PRPF6: variants seen among roughly 807,000 people sequenced by gnomAD.
PRPF6 encodes the protein pre-mRNA-processing factor 6.
A neutral mutation model predicts 118.3 loss-of-function variants in PRPF6; 42 were observed. That is an observed-to-expected ratio of 0.35 (90% CI 0.28 to 0.46). PRPF6 has a LOEUF of 0.46. PRPF6 is among the 20% of genes least tolerant of loss of function. The probability of loss-of-function intolerance (pLI) is 1.00; values close to 1 mark genes in which losing one functional copy is unlikely to be tolerated. For missense variants in PRPF6, 662 were observed against 1,255.7 expected (o/e 0.53, Z 7.15); for synonymous variants, 481 against 485.1 (o/e 0.99, Z 0.11).
intron 11 of PRPF6, among the ~76,000 whole-genome samples, chr20:64,016,331 G>T (rs1344320301): frequency 6.6e-6 from 1 of 151,942 alleles, no homozygotes; most frequent in African/African-American, 2.4e-5. Flanking sequence ...GTTTCACCAG[G>T]TTGGCCAGGC....
At chr20:64,001,342 C>T in intron 9 of PRPF6, 103 bp downstream of exon 9, 1 of 1,383,724 alleles carries the variant, frequency 7.2e-7, no homozygotes. Context: ...GGATAAGGAA[C>T]CAGGGACATT....
At chr20:63,985,420 G>T (rs1407416891) in intron 3 of PRPF6, among the ~76,000 whole-genome samples, 1 of 152,142 alleles carries the variant, frequency 6.6e-6, no homozygotes, top group Admixed American at 6.6e-5. Context: ...ATGTGTGTCT[G>T]CTTAGCTTTT....
chr20:63,986,970 A>G (rs917207347), intron 3 of PRPF6, among the ~76,000 whole-genome samples: 13 of 151,102 alleles, frequency 8.6e-5, no homozygotes, highest in Middle Eastern at 3.4e-3. Flanking sequence ...GGAGTTTGAG[A>G]CCAGCCTAGG....
chr20:64,005,950 G>C (rs1007018716), intron 9 of PRPF6, among the ~76,000 whole-genome samples: 6 of 152,088 alleles, frequency 3.9e-5, no homozygotes, highest in African/African-American at 1.4e-4. Context: ...ATCCAGGCTG[G>C]TTTTAAACTC....
chr20:63,992,252 A>AATTTTT lies in PRPF6; in HGVS notation c.360-1136_360-1131dup, dbSNP rs553157501. Among the ~76,000 whole-genome samples, 51 of 151,918 alleles carry AATTTTT rather than the reference A, an allele frequency of 3.4e-4. 1 individual carries two copies. The South Asian group carries it at 9.6e-3, about 29-fold the overall frequency. Reference sequence around the variant, plus strand: ...CAGGTGCCCACCACCATGCCCAGCTAATTTTTATTTTTATTTTTATTTTTT... The same window carrying AATTTTT: ...CAGGTGCCCACCACCATGCCCAGCTAATTTTTATTTTTATTTTTATTTTTATTTTTT... On this transcript the variant is annotated intron_variant, in intron 3 of 20. Coordinates refer to ENST00000266079, the MANE Select transcript of PRPF6 (RefSeq NM_012469.4).
chr20:63,981,756 A>G (rs817354), intron 1 of PRPF6, among the ~76,000 whole-genome samples: 31,911 of 146,946 alleles, frequency 0.22, 3,744 homozygotes, highest in African/African-American at 0.31. Flanking sequence ...TTATTATCCT[A>G]TTTGGCTATT....
At position 63,999,071 on chromosome 20, in the gene PRPF6, C is replaced by T. The variant is rs571120972; in HGVS notation, c.798C>T (p.Thr266=). ...SQVSDSVSGQ[T]VVDPKGYLTD... Reference sequence around the variant, plus strand: ...TGTCTGACTCCGTGAGTGGACAGACCGTCGTTGACCCCAAAGGCTACCTGA... The same window carrying T: ...TGTCTGACTCCGTGAGTGGACAGACTGTCGTTGACCCCAAAGGCTACCTGA... The change falls in exon 7 of 21, where the codon ACC becomes ACT. Residue 266 remains threonine, a synonymous_variant. Transcript: ENST00000266079. The T allele has an allele frequency of 2.6e-5, 42 of 1,613,664 alleles. 1 individual carries two copies. Among genetic ancestry groups the T allele is most frequent in the Middle Eastern group, 3.3e-4 (2 of 6,042 alleles).
intron 3 of PRPF6, among the ~76,000 whole-genome samples, chr20:63,993,109 G>C (rs1264472617): frequency 6.6e-6 from 1 of 151,464 alleles, no homozygotes; most frequent in Non-Finnish European, 1.5e-5. Flanking sequence ...CCAGCTACTT[G>C]GGAGGCTGAG....
chr20:63,999,245 T>G (rs1175793332), intron 7 of PRPF6, 106 bp downstream of exon 7: 1 of 943,610 alleles, frequency 1.1e-6, no homozygotes. Flanking sequence ...ATGGCGGTTC[T>G]AAGAAATGTA....
chr20:63,983,904 C>T (rs533729155), intron 2 of PRPF6, among the ~76,000 whole-genome samples: 160 of 152,286 alleles, frequency 1.1e-3, no homozygotes, highest in African/African-American at 3.7e-3. Flanking sequence ...CCGCACGCTT[C>T]GGCTTCCCAA....
chr20:64,002,014 G>GTTTTTTTTTTTTTT (rs386394238), intron 9 of PRPF6, among the ~76,000 whole-genome samples: 8 of 83,266 alleles, frequency 9.6e-5, no homozygotes, highest in Admixed American at 4.0e-4. Flanking sequence ...TTTTTTTCTG[G>GTTTTTTTTTTTTTT]TTTTTTTTTT....
chr20:63,983,872 C>A (rs1041244519), intron 2 of PRPF6, among the ~76,000 whole-genome samples: 1 of 152,050 alleles, frequency 6.6e-6, no homozygotes, highest in Non-Finnish European at 1.5e-5. Context: ...AGGCTGGTCT[C>A]GAACTCCTGA....
At position 63,992,808 on chromosome 20, in the gene PRPF6, A is replaced by C. The variant is rs973348212; in HGVS notation, c.360-599A>C. On this transcript the variant is annotated intron_variant, in intron 3 of 20. Transcript: ENST00000266079. ...GAGTGCAGTGGTGCGATCTTGGCTC[A>C]CTGCACCCTCTGCCTCCTGGGTTCA... 4.6e-5 allele frequency among the ~76,000 whole-genome samples: 7 copies of C among 152,042 alleles called. No homozygotes were observed. In the East Asian group the frequency reaches 1.4e-3, roughly 30 times the overall value.
chr20:64,001,739 G>C (rs1179136895), intron 9 of PRPF6, among the ~76,000 whole-genome samples: 1 of 152,244 alleles, frequency 6.6e-6, no homozygotes, highest in African/African-American at 2.4e-5. Context: ...GATGCAGCGT[G>C]TGCCGTCAGC....
At chr20:64,017,131 A>G (rs935684915) in intron 12 of PRPF6, among the ~76,000 whole-genome samples, 1 of 152,082 alleles carries the variant, frequency 6.6e-6, no homozygotes, top group Non-Finnish European at 1.5e-5. Context: ...TTTAGTAGAG[A>G]CGGGGTTTCA....
At chr20:63,982,220 T>A (rs2059072607) in intron 1 of PRPF6, among the ~76,000 whole-genome samples, 1 of 152,180 alleles carries the variant, frequency 6.6e-6, no homozygotes, top group Non-Finnish European at 1.5e-5. Flanking sequence ...TCGCCCAAGC[T>A]GGAGTGCAAT....
chr20:64,015,609 G>T (rs1014714819), intron 11 of PRPF6, among the ~76,000 whole-genome samples: 4 of 152,180 alleles, frequency 2.6e-5, no homozygotes, highest in Non-Finnish European at 4.4e-5. Flanking sequence ...GCACACATGG[G>T]AATATATTTG....
intron 11 of PRPF6, among the ~76,000 whole-genome samples, chr20:64,013,435 CTTCT>C (rs923709218): frequency 7.9e-5 from 12 of 151,226 alleles, no homozygotes; most frequent in Non-Finnish European, 1.2e-4. Flanking sequence ...TTCCTTTCTT[CTTCT>C]TTCTTTCTTT....
chr20:63,995,569 C>T lies in PRPF6; in HGVS notation c.771+87C>T, dbSNP rs2059137678. On this transcript the variant is annotated intron_variant, in intron 6 of 20. Transcript: ENST00000266079. ...TTCTTTTTCTCCTTCTTCTTCTTCT[C>T]CTTTTTCTTCTCCTCCTTCTCCTCC... 1.2e-5 allele frequency: 18 copies of T among 1,487,656 alleles called. No homozygotes were observed. The South Asian group carries it at 1.4e-4, about 12-fold the overall frequency. The allele number at this position is 1,487,656 out of a possible 1,614,324, so 92.2% of individuals were successfully genotyped here.
Sources: gnomAD v4.1 joint callset for allele counts (sites outside exome capture counted in the v4.1 genomes callset) on GRCh38, gnomAD v4.1.1 for gene constraint, MANE v1.5 for transcripts, NCBI Gene and HGNC (gene_info 2026-07-23, HGNC 2026-07-21) for gene names.